Variants in CDC37L1 observed in about 807,000 individuals in gnomAD.
CDC37L1 encodes cell division cycle 37 like 1, HSP90 cochaperone.
A neutral mutation model predicts 45.9 loss-of-function variants in CDC37L1; 32 were observed. The observed-to-expected ratio is 0.70, with a 90% CI of 0.53 to 0.94. CDC37L1 has a LOEUF of 0.94. Among genes scored for constraint, CDC37L1 ranks in the 40% least tolerant of loss-of-function variants. The pLI, the probability that CDC37L1 is intolerant of heterozygous loss-of-function variation, is 0.00. For synonymous variants in CDC37L1, 150 were observed against 133.0 expected, an observed-to-expected ratio of 1.13 and a Z score of -0.88; for missense variants, 434 against 405.7, an observed-to-expected ratio of 1.07 and a Z score of -0.60.
At chr9:4,703,089 C>T (rs1193767576) in intron 6 of CDC37L1, 2 of 1,543,288 alleles carry the variant, frequency 1.3e-6, no homozygotes, top group Non-Finnish European at 1.7e-6. Flanking sequence ...TTTCCAGGCT[C>T]CAAGATTTTA....
chr9:4,700,359 G>A (rs1841385882), intron 5 of CDC37L1, among the ~76,000 whole-genome samples: 1 of 152,012 alleles, frequency 6.6e-6, no homozygotes, highest in Non-Finnish European at 1.5e-5. Flanking sequence ...TGTTGCCCAG[G>A]CTGGTCTCGA....
rs748311428 is a variant in CDC37L1 at position 4,688,544 on chromosome 9, C to T, written c.446C>T (p.Thr149Ile). 1.0e-5 allele frequency: 16 copies of T among 1,529,826 alleles called. No homozygotes were observed. Among genetic ancestry groups the T allele is most frequent in the Non-Finnish European group, 1.4e-5 (16 of 1,134,394 alleles). 94.8% of individuals were successfully genotyped at this position (1,529,826 alleles called of 1,614,324 possible). Residue 149 changes from threonine to isoleucine, a missense_variant, in exon 3 of 7, where the codon ACA becomes ATA. Transcript: ENST00000381854. ...ATTAATCAAGATAAAAGAAAAGACA[C>T]AGAAGATGAAGATAAATCAGAATCA... ...SFINQDKRKD[T>I]EDEDKSESFM...
rs575716982 is a variant in CDC37L1 at position 4,699,276 on chromosome 9, T to C, written c.747+1397T>C. On this transcript the variant is annotated intron_variant, in intron 5 of 6. Coordinates refer to ENST00000381854, the MANE Select transcript of CDC37L1 (RefSeq NM_017913.4). ...AAACGCTCCAAAATCCAAAACTGTT[T>C]GAGCATCGACATGACACTCAAGGGA... 2.0e-5 allele frequency among the ~76,000 whole-genome samples: 3 copies of C among 152,342 alleles called. No individual in the cohort carries two copies. In the South Asian group the frequency reaches 6.2e-4, roughly 32 times the overall value.
At chr9:4,701,008 T>A (rs916247577) in intron 5 of CDC37L1, among the ~76,000 whole-genome samples, 1 of 124,776 alleles carries the variant, frequency 8.0e-6, no homozygotes, top group Admixed American at 8.2e-5. Flanking sequence ...AAATTCTTCC[T>A]AAATTTACAA....
intron 2 of CDC37L1, among the ~76,000 whole-genome samples, chr9:4,687,457 T>C (rs1587616739): frequency 1.3e-5 from 2 of 152,192 alleles, no homozygotes; most frequent in South Asian, 2.1e-4. Context: ...GGTGAAGGGA[T>C]TGCTTGAACC....
At chr9:4,698,983 G>A (rs912938398) in intron 5 of CDC37L1, among the ~76,000 whole-genome samples, 1 of 152,044 alleles carries the variant, frequency 6.6e-6, no homozygotes, top group Non-Finnish European at 1.5e-5. Flanking sequence ...AGTGTAATGA[G>A]TTTGTCATTG....
At chr9:4,702,760 G>A (rs1841410963) in intron 6 of CDC37L1, among the ~76,000 whole-genome samples, 1 of 151,660 alleles carries the variant, frequency 6.6e-6, no homozygotes, top group Non-Finnish European at 1.5e-5. Flanking sequence ...GTGGTGGCAG[G>A]CACCTGCAGT....
Position 4,701,982 on chromosome 9 carries a change from C to G in CDC37L1, c.866C>G (p.Pro289Arg). 4 of 1,539,782 alleles carry G rather than the reference C, an allele frequency of 2.6e-6. No homozygotes were observed. The highest frequency in any genetic ancestry group is 3.5e-6 in the Non-Finnish European group (4 of 1,147,328). The change falls in exon 6 of 7, where the codon CCC becomes CGC. Residue 289 changes from proline (P) to arginine (R), a missense_variant. By Grantham distance (103) the Pro-to-Arg change is moderately radical. Transcript: ENST00000381854. ...CCTATGACAGTTCAGAATCATGTTCCCCATTCTGGTGTTGGATCTATAGGT... is the reference window on the plus strand; with the variant it reads ...CCTATGACAGTTCAGAATCATGTTCGCCATTCTGGTGTTGGATCTATAGGT... ...FQPMTVQNHV[P>R]HSGVGSIGLL...
At chr9:4,701,754 C>T (rs1380072941) in intron 5 of CDC37L1, 110 bp from the exon 6 acceptor site, 3 of 677,678 alleles carry the variant, frequency 4.4e-6, no homozygotes, top group Non-Finnish European at 7.2e-6. Flanking sequence ...TTAGACTATT[C>T]ACCTTGTCAT....
At chr9:4,681,189 G>A (rs775150149) in intron 1 of CDC37L1, among the ~76,000 whole-genome samples, 4 of 152,176 alleles carry the variant, frequency 2.6e-5, no homozygotes, top group Non-Finnish European at 5.9e-5. Context: ...AAAAAAGGGT[G>A]TCAAGAATTT....
At position 4,685,273 on chromosome 9, in the gene CDC37L1, A is replaced by C. The variant is rs557419086; in HGVS notation, c.414+115A>C. On this transcript the variant is annotated intron_variant, in intron 2 of 6. Transcript: ENST00000381854. The stretch of plus-strand genomic sequence containing the variant: ...ATCCCATAAACAGTGTTCAATTTTG[A>C]CAGTTTATGAAAGGTGCTTGAAAAG... 1.4e-5 allele frequency: 12 copies of C among 839,652 alleles called. No homozygotes were observed. In the East Asian group the frequency reaches 2.7e-4, roughly 19 times the overall value. 52.0% of individuals were successfully genotyped at this position (839,652 alleles called of 1,614,324 possible).
intron 6 of CDC37L1, chr9:4,703,313 G>C: frequency 3.3e-6 from 1 of 306,422 alleles, no homozygotes; most frequent in Non-Finnish European, 5.7e-6. Flanking sequence ...ATTTACCCCA[G>C]TCAAAAATAT....
At position 4,679,706 on chromosome 9, in the gene CDC37L1, A is replaced by C. The variant is rs1841167440; in HGVS notation, c.-62A>C. On this transcript the variant is annotated 5_prime_UTR_variant, in exon 1 of 7. Transcript: ENST00000381854. Reference sequence around the variant, plus strand: ...CGGCGCAGCAGGTTCCATTCACGCCAAGTCTGTTGGCAGTGGCAGTTGTAG... The same window carrying C: ...CGGCGCAGCAGGTTCCATTCACGCCCAGTCTGTTGGCAGTGGCAGTTGTAG... The C allele has an allele frequency of 6.6e-7, 1 of 1,513,460 alleles. No individual in the cohort carries two copies. The highest frequency in any genetic ancestry group is 1.4e-5 in the African/African-American group (1 of 72,296). The allele number at this position is 1,513,460 out of a possible 1,614,324, so 93.8% of individuals were successfully genotyped here.
At chr9:4,693,278 C>CA (rs113078159) in intron 3 of CDC37L1, among the ~76,000 whole-genome samples, 22,216 of 125,256 alleles carry the variant, frequency 0.18, 1,768 homozygotes, top group African/African-American at 0.21. Flanking sequence ...CTCATCTCTA[C>CA]AAAAAAAAAA....
At chr9:4,701,016 C>T (rs1163810359) in intron 5 of CDC37L1, among the ~76,000 whole-genome samples, 1 of 152,168 alleles carries the variant, frequency 6.6e-6, no homozygotes, top group Non-Finnish European at 1.5e-5. Context: ...CCTAAATTTA[C>T]AAGAAGATAG....
chr9:4,680,982 C>T (rs1484412490), intron 1 of CDC37L1, among the ~76,000 whole-genome samples: 1 of 152,146 alleles, frequency 6.6e-6, no homozygotes, highest in Non-Finnish European at 1.5e-5. Flanking sequence ...CTTTGGCCAG[C>T]TAAGTCACTG....
In CDC37L1 at chr9:4,679,682, G is replaced by C. The variant is rs932694751; in HGVS notation, c.-86G>C. On this transcript the variant is annotated 5_prime_UTR_variant, in exon 1 of 7. Coordinates refer to ENST00000381854, the MANE Select transcript of CDC37L1 (RefSeq NM_017913.4). ...GGACCCCCGGCTGGGCTTCTGGCTC[G>C]GCGCAGCAGGTTCCATTCACGCCAA... is the stretch of plus-strand genomic sequence containing the variant. 7 of 1,279,210 alleles carry C rather than the reference G, an allele frequency of 5.5e-6. No homozygotes were observed. Among genetic ancestry groups the C allele is most frequent in the Non-Finnish European group, 1.1e-6 (1 of 949,530 alleles). 79.2% of individuals were successfully genotyped at this position (1,279,210 alleles called of 1,614,324 possible). A position where few individuals can be genotyped will look rare whatever the true frequency, so the allele number is the denominator to read the frequency against.
intron 5 of CDC37L1, 74 bp from the exon 6 acceptor site, chr9:4,701,790 T>G: frequency 8.6e-7 from 1 of 1,156,698 alleles, no homozygotes; most frequent in Non-Finnish European, 1.2e-6. Flanking sequence ...AAACCTGTTA[T>G]ATGCTTTCTG....
Position 4,679,779 on chromosome 9 carries a change from G to A in CDC37L1, c.12G>A (p.Pro4=). Residue 4 remains proline, a synonymous_variant, in exon 1 of 7, where the codon CCG becomes CCA. Transcript: ENST00000381854. Reference sequence around the variant, plus strand: ...CGGAGCAGCCGGACATGGAACAACCGTGGCCGCCTCCGGGACCCTGGAGCC... The same window carrying A: ...CGGAGCAGCCGGACATGGAACAACCATGGCCGCCTCCGGGACCCTGGAGCC... MEQ[P]WPPPGPWSLP... is the part of the protein sequence containing the mutation. 1.9e-6 allele frequency: 3 copies of A among 1,612,726 alleles called. No homozygotes were observed. The highest frequency in any genetic ancestry group is 2.5e-6 in the Non-Finnish European group (3 of 1,179,372).
Sources: allele counts gnomAD v4.1 joint callset (sites outside exome capture counted in the v4.1 genomes callset), GRCh38; gene constraint gnomAD v4.1.1; transcripts MANE v1.5; gene names NCBI Gene and HGNC (gene_info 2026-07-23, HGNC 2026-07-21).